The following SV2C variants were observed in gnomAD, a reference collection of about 807,000 sequenced individuals.
The protein encoded by SV2C is synaptic vesicle glycoprotein 2C.
A neutral mutation model predicts 79.7 loss-of-function variants in SV2C; 49 were observed. The observed-to-expected ratio is 0.61, with a 90% CI of 0.49 to 0.78. SV2C has a LOEUF of 0.78. SV2C is among the 30% of genes least tolerant of loss of function. The pLI, the probability that SV2C is intolerant of heterozygous loss-of-function variation, is 0.00. For missense variants in SV2C, 833 were observed against 912.9 expected, an observed-to-expected ratio of 0.91 and a Z score of 1.13; for synonymous variants, 334 against 333.2, an observed-to-expected ratio of 1.00 and a Z score of -0.03.
chr5:76,228,054 C>G (rs969356380), intron 4 of SV2C, among the ~76,000 whole-genome samples: 1 of 136,706 alleles, frequency 7.3e-6, no homozygotes. Flanking sequence ...CTCTCTATCT[C>G]TCTCTCTCTC....
At chr5:76,261,648 A>C (rs138347775) in intron 4 of SV2C, among the ~76,000 whole-genome samples, 1 of 152,324 alleles carries the variant, frequency 6.6e-6, no homozygotes, top group East Asian at 1.9e-4. Flanking sequence ...AGTTTTTAGC[A>C]TGAAGGAGTG....
intron 4 of SV2C, among the ~76,000 whole-genome samples, chr5:76,241,846 C>T (rs543311830): frequency 7.2e-5 from 11 of 152,130 alleles, no homozygotes; most frequent in Non-Finnish European, 1.3e-4. Context: ...ATTCTATTAG[C>T]GACATATGCC....
At chr5:75,851,643 TC>T in the SV2C span, among the ~76,000 whole-genome samples, 2 of 151,534 alleles carry the variant, frequency 1.3e-5, no homozygotes, top group African/African-American at 4.9e-5. Context: ...AAACATTGGA[TC>T]TTTTTTTTTT....
At chr5:76,075,652 A>C in the SV2C span, 1 of 290,146 alleles carries the variant, frequency 3.4e-6, no homozygotes, top group Non-Finnish European at 7.2e-6. Context: ...CCACACTTAG[A>C]TGGATGCAAC....
At chr5:76,291,559 G>T (rs1158613999) in intron 7 of SV2C, among the ~76,000 whole-genome samples, 1 of 152,178 alleles carries the variant, frequency 6.6e-6, no homozygotes, top group Admixed American at 6.5e-5. Context: ...GGCAGTGGCA[G>T]GGTGCCTTCA....
At chr5:76,172,711 C>T (rs1178996739) in intron 2 of SV2C, among the ~76,000 whole-genome samples, 1 of 85,940 alleles carries the variant, frequency 1.2e-5, no homozygotes, top group African/African-American at 5.3e-5. Context: ...AAGAAAAATT[C>T]CTCTGCCTTG....
chr5:76,086,218 C>G (rs956142030), intron 1 of SV2C, among the ~76,000 whole-genome samples: 15 of 152,158 alleles, frequency 9.9e-5, no homozygotes, highest in Non-Finnish European at 4.4e-5. Context: ...GATCCAGTTC[C>G]CAGTCTCCAG....
chr5:76,266,788 G>GT (rs1367457425), intron 4 of SV2C, among the ~76,000 whole-genome samples: 1 of 121,630 alleles, frequency 8.2e-6, no homozygotes, highest in South Asian at 2.5e-4. Context: ...GAATTATACA[G>GT]TAAAAAAAAA....
the SV2C span, among the ~76,000 whole-genome samples, chr5:75,872,572 T>C: frequency 6.6e-6 from 1 of 152,114 alleles, no homozygotes; most frequent in East Asian, 1.9e-4. Context: ...TGCTAGTGAA[T>C]AGAAGAATAT....
At chr5:75,859,574 A>G in the SV2C span, among the ~76,000 whole-genome samples, 1 of 152,144 alleles carries the variant, frequency 6.6e-6, no homozygotes, top group Non-Finnish European at 1.5e-5. Flanking sequence ...CCCCTGTGTG[A>G]GACACCCATG....
At chr5:76,293,369 T>A (rs1329647699) in intron 8 of SV2C, among the ~76,000 whole-genome samples, 2 of 152,230 alleles carry the variant, frequency 1.3e-5, no homozygotes, top group African/African-American at 2.4e-5. Flanking sequence ...TTATTTTGTT[T>A]ACTAATTCAT....
chr5:75,925,748 T>C, the SV2C span, among the ~76,000 whole-genome samples: 1 of 124,396 alleles, frequency 8.0e-6, no homozygotes, highest in Non-Finnish European at 1.6e-5. Flanking sequence ...AAAAGATTTT[T>C]TTAAAAAACA....
chr5:75,926,089 G>A, the SV2C span, among the ~76,000 whole-genome samples: 1 of 152,242 alleles, frequency 6.6e-6, no homozygotes, highest in East Asian at 1.9e-4. Context: ...ATAGAAAATG[G>A]CAATATTCAA....
the SV2C span, among the ~76,000 whole-genome samples, chr5:76,075,164 C>T: frequency 1.3e-5 from 2 of 152,158 alleles, no homozygotes; most frequent in Non-Finnish European, 2.9e-5. Flanking sequence ...TCATCAGGCT[C>T]CCTCCCCTCC....
chr5:76,276,289 C>A (rs1747019901), intron 4 of SV2C, among the ~76,000 whole-genome samples: 1 of 152,202 alleles, frequency 6.6e-6, no homozygotes, highest in African/African-American at 2.4e-5. Flanking sequence ...TTTGCAGGGT[C>A]ATTTCTTGAG....
chr5:76,221,771 A>G (rs1745071669), intron 4 of SV2C, among the ~76,000 whole-genome samples: 1 of 152,132 alleles, frequency 6.6e-6, no homozygotes, highest in Non-Finnish European at 1.5e-5. Context: ...GTCTTCCCCA[A>G]ACCAAATGTG....
At chr5:75,932,429 G>C in the SV2C span, among the ~76,000 whole-genome samples, 2 of 144,468 alleles carry the variant, frequency 1.4e-5, no homozygotes, top group Non-Finnish European at 3.0e-5. Context: ...TTAAGACAAA[G>C]ATACAGAAAC....
At chr5:76,347,923 T>C (rs1347167783) in intron 12 of SV2C, among the ~76,000 whole-genome samples, 1 of 152,098 alleles carries the variant, frequency 6.6e-6, no homozygotes, top group Admixed American at 6.5e-5. Context: ...TGACACATCA[T>C]TTTCACCCAA....
chr5:76,104,232 C>T (rs373155689), intron 1 of SV2C, among the ~76,000 whole-genome samples: 1 of 152,268 alleles, frequency 6.6e-6, no homozygotes, highest in Non-Finnish European at 1.5e-5. Context: ...CCAAGGCCCA[C>T]GGGAAGGGAG....
Sources: gnomAD v4.1 joint callset for allele counts (sites outside exome capture counted in the v4.1 genomes callset) on GRCh38, gnomAD v4.1.1 for gene constraint, MANE v1.5 for transcripts, NCBI Gene and HGNC (gene_info 2026-07-23, HGNC 2026-07-21) for gene names.